Variants in ATP11C observed in about 807,000 individuals in gnomAD.
ATP11C encodes ATPase phospholipid transporting 11C (ATP11C blood group).
In ATP11C, 36 loss-of-function variants were observed where a neutral mutation model predicts 97.4. That is an observed-to-expected ratio of 0.37 (90% CI 0.28 to 0.49). The LOEUF (loss-of-function observed/expected upper bound fraction) is 0.49, where lower values mean the gene tolerates loss of function less well. Ranked by LOEUF, ATP11C falls within the 20% of genes least tolerant of loss-of-function variation. The pLI, the probability that ATP11C is intolerant of heterozygous loss-of-function variation, is 0.98. For missense variants in ATP11C, 730 were observed against 824.6 expected (o/e 0.89, Z 1.40); for synonymous variants, 275 against 290.9 (o/e 0.95, Z 0.56).
At chrX:139,857,468 C>T (rs59455170) in intron 1 of ATP11C, among the ~76,000 whole-genome samples, 6,486 of 111,540 alleles carry the variant, frequency 0.058, 439 homozygotes, top group African/African-American at 0.2. Flanking sequence ...ATTCCGATCA[C>T]CTGCTCCACC....
At chrX:139,755,238 C>A (rs1031664414) in intron 23 of ATP11C, among the ~76,000 whole-genome samples, 2 of 111,465 alleles carry the variant, frequency 1.8e-5, no homozygotes, top group African/African-American at 6.5e-5. Flanking sequence ...TTCACAACAG[C>A]CACAAAAATA....
Position 139,802,337 on chromosome X carries a change from T to C in ATP11C, c.558A>G (p.Thr186=), listed in dbSNP as rs760394134. 2.6e-6 allele frequency: 3 copies of C among 1,166,802 alleles called. No individual in the cohort carries two copies. The South Asian group carries it at 5.7e-5, about 22-fold the overall frequency. ...ASLDGESNCK[T]HYAVRDTIAL... ...CAATGGTATCACGTACTGCATAATG[T>C]GTCTAGTTGAAAGCAGAAGAAAAAG... The change falls in exon 7 of 30, where the codon ACA becomes ACG. Residue 186 remains threonine, a splice_region_variant and synonymous_variant. Coordinates refer to ENST00000682941, the MANE Select transcript of ATP11C (RefSeq NM_001353812.2).
At chrX:139,918,843 G>T (rs1296015097) in intron 1 of ATP11C, among the ~76,000 whole-genome samples, 1 of 111,361 alleles carries the variant, frequency 9.0e-6, no homozygotes, top group African/African-American at 3.3e-5. Flanking sequence ...TTTGCAAGAT[G>T]AAAAAGTTCT....
intron 1 of ATP11C, among the ~76,000 whole-genome samples, chrX:139,872,538 G>C (rs1231709890): frequency 3.0e-5 from 3 of 98,767 alleles, no homozygotes; most frequent in African/African-American, 4.2e-5. Flanking sequence ...ACAGGCCCCG[G>C]TGTGTGATGT....
upstream of ATP11C, among the ~76,000 whole-genome samples, chrX:139,934,552 CTTTTTTTTT>C (rs760781660): frequency 4.3e-5 from 4 of 93,720 alleles, no homozygotes; most frequent in Non-Finnish European, 8.5e-5. Context: ...CTAGCTTTAC[CTTTTTTTTT>C]TTTTTTTTTT....
Position 139,932,073 on chromosome X carries a change from G to C in ATP11C, c.-31C>G. 8.8e-7 allele frequency: 1 copy of C among 1,140,016 alleles called. No homozygotes were observed. Among genetic ancestry groups the C allele is most frequent in the South Asian group, 2.0e-5 (1 of 49,023 alleles). The allele number at this position is 1,140,016 out of a possible 1,213,427, so 94.0% of individuals were successfully genotyped here. A position where few individuals can be genotyped will look rare whatever the true frequency, so the allele number is the denominator to read the frequency against. On this transcript the variant is annotated 5_prime_UTR_variant, in exon 1 of 30. Transcript: ENST00000682941. The stretch of plus-strand genomic sequence containing the variant: ...CGAAGGCTGCCGGGCGCTGAGCTGG[G>C]CTCTACCGGGCTGTCTGGGAAGGCG...
At position 139,796,412 on chromosome X, in the gene ATP11C, G is replaced by C. The variant is rs1236256718; in HGVS notation, c.1067C>G (p.Pro356Arg). 1 of 1,203,746 alleles carries C rather than the reference G, an allele frequency of 8.3e-7. No individual in the cohort carries two copies. The highest frequency in any genetic ancestry group is 1.1e-6 in the Non-Finnish European group (1 of 890,401). ...SFMVLFNFIIPVSMYVTVEMQ... is the reference protein window; with the variant it reads ...SFMVLFNFIIRVSMYVTVEMQ... ...TTCTACTGTGACGTACATGGAGACA[G>C]GAATGATAAAGTTGAATAGAACCAT... is the stretch of plus-strand genomic sequence containing the variant. The change falls in exon 12 of 30, where the codon CCT (proline) becomes CGT (arginine). Residue 356 changes from proline to arginine, a missense_variant. Pro to Arg is a moderately radical substitution (Grantham distance 103). Transcript: ENST00000682941.
intron 21 of ATP11C, 26 bp from the exon 22 acceptor site, chrX:139,762,132 G>A (rs765033668): frequency 1.8e-6 from 2 of 1,103,657 alleles, no homozygotes; most frequent in Middle Eastern, 2.8e-4. Context: ...TCTATATGGT[G>A]AGCATTTTCT....
At chrX:139,762,736 A>T (rs1303294618) in intron 21 of ATP11C, among the ~76,000 whole-genome samples, 1 of 111,503 alleles carries the variant, frequency 9.0e-6, no homozygotes, top group Non-Finnish European at 1.9e-5. Context: ...CAAAACAAAC[A>T]AACTAGCTAA....
intron 5 of ATP11C, among the ~76,000 whole-genome samples, chrX:139,811,873 T>TA (rs1157942240): frequency 9.0e-6 from 1 of 111,534 alleles, no homozygotes; most frequent in Non-Finnish European, 1.9e-5. Flanking sequence ...TAACAGAATG[T>TA]AAAAAAAGAC....
chrX:139,824,310 T>A (rs1214489764), intron 2 of ATP11C, among the ~76,000 whole-genome samples: 1 of 110,739 alleles, frequency 9.0e-6, no homozygotes, highest in Non-Finnish European at 1.9e-5. Context: ...AAAATTCTGG[T>A]GATTTCCAAA....
chrX:139,920,425 A>G (rs1004966678), intron 1 of ATP11C, among the ~76,000 whole-genome samples: 1 of 110,982 alleles, frequency 9.0e-6, no homozygotes, highest in Non-Finnish European at 1.9e-5. Flanking sequence ...AAATATTACT[A>G]TGCTACACCA....
intron 1 of ATP11C, among the ~76,000 whole-genome samples, chrX:139,871,429 G>A (rs1177245396): frequency 9.3e-6 from 1 of 107,817 alleles, no homozygotes; most frequent in South Asian, 4.1e-4. Flanking sequence ...GGCTGGTCTC[G>A]AACTCCTCAC....
intron 1 of ATP11C, among the ~76,000 whole-genome samples, chrX:139,909,555 A>C (rs761122911): frequency 1.8e-5 from 2 of 111,472 alleles, no homozygotes; most frequent in Non-Finnish European, 3.8e-5. Flanking sequence ...ACACACACAC[A>C]CCCCATGCAC....
intron 1 of ATP11C, among the ~76,000 whole-genome samples, chrX:139,847,564 G>A (rs774024551): frequency 5.4e-5 from 6 of 110,365 alleles, no homozygotes; most frequent in African/African-American, 2.0e-4. Context: ...TTAGCTGGAT[G>A]TGGTGGCTCA....
chrX:139,861,629 T>G (rs1024419333), intron 1 of ATP11C, among the ~76,000 whole-genome samples: 3 of 111,184 alleles, frequency 2.7e-5, no homozygotes, highest in African/African-American at 9.8e-5. Flanking sequence ...TGATCCTAGT[T>G]CAGGTGACTA....
chrX:139,791,371 T>C (rs2082686958), intron 12 of ATP11C, among the ~76,000 whole-genome samples: 1 of 112,075 alleles, frequency 8.9e-6, no homozygotes, highest in African/African-American at 3.2e-5. Context: ...TCTCTTTTGT[T>C]AGTGTCAAAG....
At chrX:139,919,490 CACAA>C (rs1330362560) in intron 1 of ATP11C, among the ~76,000 whole-genome samples, 6 of 104,183 alleles carry the variant, frequency 5.8e-5, no homozygotes, top group Non-Finnish European at 9.7e-5. Context: ...CACACACACA[CACAA>C]ACTACTTATT....
chrX:139,751,711 A>T (rs2081819599), intron 23 of ATP11C, among the ~76,000 whole-genome samples: 1 of 111,232 alleles, frequency 9.0e-6, no homozygotes, highest in African/African-American at 3.3e-5. Context: ...AAGAGACAGA[A>T]TATCCCCAAA....
Sources: allele counts gnomAD v4.1 joint callset (sites outside exome capture counted in the v4.1 genomes callset), GRCh38; gene constraint gnomAD v4.1.1; transcripts MANE v1.5; gene names NCBI Gene and HGNC (gene_info 2026-07-23, HGNC 2026-07-21).